Variants in FBH1 observed in about 807,000 individuals in gnomAD.
The protein encoded by FBH1 is DNA 3'-5' helicase 1.
Under a neutral mutation model 115.5 loss-of-function variants are expected in FBH1, and 43 were observed. The ratio of observed to expected loss-of-function variants is 0.37; its 90% CI spans 0.29 to 0.48. FBH1 has a LOEUF of 0.48. FBH1 is among the 20% of genes least tolerant of loss of function. FBH1 has a pLI of 0.99. For missense variants in FBH1, 1,001 were observed against 1,337.3 expected (o/e 0.75, Z 3.92); for synonymous variants, 524 against 507.8 (o/e 1.03, Z -0.43).
Position 5,911,576 on chromosome 10 carries a change from T to A in FBH1, c.1211+448T>A, listed in dbSNP as rs1396706667. Reference sequence around the variant, plus strand: ...GCTGATTCACAGGGGCCCCGATGGTTTCCTCAGCAGGGTGGGGAGTGCCTG... The same window carrying A: ...GCTGATTCACAGGGGCCCCGATGGTATCCTCAGCAGGGTGGGGAGTGCCTG... On this transcript the variant is annotated intron_variant, in intron 6 of 20. Coordinates refer to ENST00000362091, the MANE Select transcript of FBH1 (RefSeq NM_178150.3). The surrounding 1 kb of genome is among the most constrained non-coding windows in gnomAD (Gnocchi z 5.4). Among the ~76,000 whole-genome samples the A allele has an allele frequency of 6.6e-6, 1 of 152,076 alleles. No homozygotes were observed. Among genetic ancestry groups the A allele is most frequent in the Non-Finnish European group, 1.5e-5 (1 of 67,992 alleles).
In FBH1 at chr10:5,936,817, G is replaced by T; in HGVS notation, c.2961+230G>T. The stretch of plus-strand genomic sequence containing the variant: ...CCGCAGGTCTGGGAGGCTGGGTTGT[G>T]ATACACGCTTAGAGAGAGAGCTGTT... On this transcript the variant is annotated intron_variant, in intron 20 of 20. Transcript: ENST00000362091. The surrounding 1 kb of genome is among the most constrained non-coding windows in gnomAD (Gnocchi z 5.6). The T allele has an allele frequency of 1.6e-6, 1 of 624,124 alleles. No homozygotes were observed. 38.7% of individuals were successfully genotyped at this position (624,124 alleles called of 1,614,324 possible). A position where few individuals can be genotyped will look rare whatever the true frequency, so the allele number is the denominator to read the frequency against.
upstream of FBH1, chr10:5,889,957 G>T (rs984467418): frequency 7.0e-5 from 13 of 186,646 alleles, no homozygotes; most frequent in African/African-American, 3.1e-4. Flanking sequence ...CTCGACCGCC[G>T]CTGCTCCGCG....
In FBH1 at chr10:5,937,324, G is replaced by T. The variant is rs1484841429; in HGVS notation, c.*44G>T. ...CCGCAGTGCAGAGCAGCTTGCCGAG[G>T]ACCCCGCGTGAAGAAAGCCAGCGAG... On this transcript the variant is annotated 3_prime_UTR_variant, in exon 21 of 21. Transcript: ENST00000362091. The T allele has an allele frequency of 2.8e-6, 4 of 1,445,790 alleles. No individual in the cohort carries two copies. The highest frequency in any genetic ancestry group is 2.5e-5 in the Admixed American group (1 of 39,258). 89.6% of individuals were successfully genotyped at this position (1,445,790 alleles called of 1,614,324 possible). A position where few individuals can be genotyped will look rare whatever the true frequency, so the allele number is the denominator to read the frequency against.
intron 19 of FBH1, among the ~76,000 whole-genome samples, chr10:5,927,907 A>G (rs1406639650): frequency 1.3e-5 from 2 of 151,776 alleles, no homozygotes; most frequent in African/African-American, 4.8e-5. Flanking sequence ...ACCCATCTCT[A>G]CTAAAAATAC....
Position 5,936,408 on chromosome 10 carries a change from C to G in FBH1, c.2830-48C>G, listed in dbSNP as rs761179247. On this transcript the variant is annotated intron_variant, in intron 19 of 20. Coordinates refer to ENST00000362091, the MANE Select transcript of FBH1 (RefSeq NM_178150.3). This position sits in a 1 kb window ranked among gnomAD's most constrained non-coding sequence, Gnocchi z 5.6. ...CCGCTATCAGTGTTTCCAGTAGACC[C>G]TAACGGAGGTGTCGCCATGACTCTC... 6.2e-6 allele frequency: 10 copies of G among 1,602,474 alleles called. No homozygotes were observed. In the Admixed American group the frequency reaches 1.7e-4, roughly 27 times the overall value.
rs76150027 is a variant in FBH1 at position 5,922,825 on chromosome 10, G to A, written c.2323-796G>A. On this transcript the variant is annotated intron_variant, in intron 15 of 20. Transcript: ENST00000362091. ...TCTGAGCTAAACAGGGCACAGTCAG[G>A]CTGTCTCCTCCAGGAGCTGACCTGT... 2.6e-5 allele frequency among the ~76,000 whole-genome samples: 4 copies of A among 152,318 alleles called. No homozygotes were observed. In the South Asian group the frequency reaches 8.3e-4, roughly 32 times the overall value.
Position 5,918,603 on chromosome 10 carries a change from C to G in FBH1, c.2100+125C>G. 1 of 1,270,970 alleles carries G rather than the reference C, an allele frequency of 7.9e-7. No individual in the cohort carries two copies. Among genetic ancestry groups the G allele is most frequent in the Non-Finnish European group, 1.0e-6 (1 of 961,460 alleles). 78.7% of individuals were successfully genotyped at this position (1,270,970 alleles called of 1,614,324 possible). A position where few individuals can be genotyped will look rare whatever the true frequency, so the allele number is the denominator to read the frequency against. Reference sequence around the variant, plus strand: ...AAATCCTTGCTTCTAAGCCATGGTTCTCAAAGTGTGGTTCTCAGGGGTCTG... The same window carrying G: ...AAATCCTTGCTTCTAAGCCATGGTTGTCAAAGTGTGGTTCTCAGGGGTCTG... On this transcript the variant is annotated intron_variant, in intron 13 of 20. Transcript: ENST00000362091. This position sits in a 1 kb window ranked among gnomAD's most constrained non-coding sequence, Gnocchi z 4.0.
chr10:5,900,365 A>G lies in FBH1; in HGVS notation c.2-2655A>G, dbSNP rs1193954275. Among the ~76,000 whole-genome samples the G allele has an allele frequency of 6.6e-6, 1 of 152,248 alleles. No homozygotes were observed. The highest frequency in any genetic ancestry group is 2.4e-5 in the African/African-American group (1 of 41,468). On this transcript the variant is annotated intron_variant, in intron 1 of 20. Transcript: ENST00000362091. The surrounding 1 kb of genome is among the most constrained non-coding windows in gnomAD (Gnocchi z 4.2). ...AGGGTGGTATGGCCGTAGACCTATCAGACTTAGAGACCTGAGGTGCCCTGA... is the reference window on the plus strand; with the variant it reads ...AGGGTGGTATGGCCGTAGACCTATCGGACTTAGAGACCTGAGGTGCCCTGA...
In FBH1 at chr10:5,937,416, C is replaced by A; in HGVS notation, c.*136C>A. On this transcript the variant is annotated 3_prime_UTR_variant, in exon 21 of 21. Transcript: ENST00000362091. Reference sequence around the variant, plus strand: ...CTTTCTGAGGAAGAGGACACCAGCCCAAGCTGGACCTGCCATTTCTCCACT... The same window carrying A: ...CTTTCTGAGGAAGAGGACACCAGCCAAAGCTGGACCTGCCATTTCTCCACT... 1.1e-6 allele frequency: 1 copy of A among 916,694 alleles called. No homozygotes were observed. The highest frequency in any genetic ancestry group is 1.5e-6 in the Non-Finnish European group (1 of 665,894). The allele number at this position is 916,694 out of a possible 1,614,324, so 56.8% of individuals were successfully genotyped here.
At position 5,923,848 on chromosome 10, in the gene FBH1, G is replaced by T. The variant is rs1376360020; in HGVS notation, c.2398+152G>T. The T allele has an allele frequency of 9.0e-6, 6 of 669,416 alleles. No individual in the cohort carries two copies. The East Asian group carries it at 1.7e-4, about 18-fold the overall frequency. 41.5% of individuals were successfully genotyped at this position (669,416 alleles called of 1,614,324 possible). A position where few individuals can be genotyped will look rare whatever the true frequency, so the allele number is the denominator to read the frequency against. Reference sequence around the variant, plus strand: ...CTTCCCATGACGAGGGGGGTGCCTCGGGCCTCCTGTTTTCATAGGTACTGA... The same window carrying T: ...CTTCCCATGACGAGGGGGGTGCCTCTGGCCTCCTGTTTTCATAGGTACTGA... On this transcript the variant is annotated intron_variant, in intron 16 of 20. Coordinates refer to ENST00000362091, the MANE Select transcript of FBH1 (RefSeq NM_178150.3). The surrounding 1 kb of genome is among the most constrained non-coding windows in gnomAD (Gnocchi z 5.7).
At chr10:5,889,726 A>C, upstream of FBH1, 1 of 162,690 alleles carries the variant, frequency 6.1e-6, no homozygotes. Context: ...CCCGTACGTG[A>C]TTCGGGACTG....
rs1323964445 is a variant in FBH1, at chr10:5,932,146, CAAAAG to C, written c.2830-4303_2830-4299del. Reference sequence around the variant, plus strand: ...TGGGTGACAGAGTGAGACCCTGTCTCAAAAGAAAAGATCAAAACTTTGTGATAAGA... The same window carrying C: ...TGGGTGACAGAGTGAGACCCTGTCTCAAAAGATCAAAACTTTGTGATAAGA... On this transcript the variant is annotated intron_variant, in intron 19 of 20. Transcript: ENST00000362091. The surrounding 1 kb of genome is among the most constrained non-coding windows in gnomAD (Gnocchi z 5.9). 6.6e-6 allele frequency among the ~76,000 whole-genome samples: 1 copy of C among 152,146 alleles called. No individual in the cohort carries two copies. The highest frequency in any genetic ancestry group is 2.4e-5 in the African/African-American group (1 of 41,422).
intron 1 of FBH1, among the ~76,000 whole-genome samples, chr10:5,899,171 G>A (rs1324773430): frequency 1.3e-5 from 2 of 152,174 alleles, no homozygotes; most frequent in African/African-American, 2.4e-5. Context: ...CACTGGTTAT[G>A]TGCCTTTTCG....
intron 19 of FBH1, 103 bp downstream of exon 19, chr10:5,927,644 C>G: frequency 1.2e-6 from 1 of 839,896 alleles, no homozygotes; most frequent in Non-Finnish European, 1.9e-6. Flanking sequence ...GATCAAGATC[C>G]TGGGTTGGAA....
At chr10:5,907,253 C>A (rs1284814944) in intron 3 of FBH1, among the ~76,000 whole-genome samples, 1 of 152,150 alleles carries the variant, frequency 6.6e-6, no homozygotes, top group Non-Finnish European at 1.5e-5. Context: ...GCGTGAGCCA[C>A]CATGTCTGGC....
rs543972657 is a variant in FBH1, at chr10:5,906,508, G to A, written c.629G>A (p.Ser210Asn). ...LGTLPCQEAL[S>N]HICSLPSEVL... ...ACCTTGCCCTGCCAGGAAGCACTGA[G>A]CCACATTTGCAGCCTGCCTAGTGAG... The change falls in exon 3 of 21, where the codon AGC (serine) becomes AAC (asparagine). Residue 210 changes from serine (S) to asparagine (N), a missense_variant. Transcript: ENST00000362091. The surrounding 1 kb of genome is among the most constrained non-coding windows in gnomAD (Gnocchi z 7.3). The A allele has an allele frequency of 1.2e-6, 2 of 1,614,130 alleles. No individual in the cohort carries two copies. The highest frequency in any genetic ancestry group is 1.3e-5 in the African/African-American group (1 of 75,032).
At position 5,913,855 on chromosome 10, in the gene FBH1, C is replaced by T. The variant is rs143392776; in HGVS notation, c.1304+16C>T. 8.1e-4 allele frequency: 1,275 copies of T among 1,566,834 alleles called. 13 individuals are homozygous for T. The African/African-American group carries it at 0.015, about 18-fold the overall frequency. Reference sequence around the variant, plus strand: ...TCTGGCCAGGGTATGTGTATATGTGCGTCAGCGTGTGTTTTGTCTTCTGTC... The same window carrying T: ...TCTGGCCAGGGTATGTGTATATGTGTGTCAGCGTGTGTTTTGTCTTCTGTC... On this transcript the variant is annotated intron_variant, in intron 7 of 20. Coordinates refer to ENST00000362091, the MANE Select transcript of FBH1 (RefSeq NM_178150.3). The surrounding 1 kb of genome is among the most constrained non-coding windows in gnomAD (Gnocchi z 4.4).
At position 5,924,845 on chromosome 10, in the gene FBH1, C is replaced by T. The variant is rs1020863472; in HGVS notation, c.2596+337C>T. Reference sequence around the variant, plus strand: ...CCTCCCAAAGTGCTAGAATTACAGGCGTGAGCCACTGCGCCCAGCCTCTTC... The same window carrying T: ...CCTCCCAAAGTGCTAGAATTACAGGTGTGAGCCACTGCGCCCAGCCTCTTC... On this transcript the variant is annotated intron_variant, in intron 17 of 20. Coordinates refer to ENST00000362091, the MANE Select transcript of FBH1 (RefSeq NM_178150.3). This position sits in a 1 kb window ranked among gnomAD's most constrained non-coding sequence, Gnocchi z 6.2. The T allele has an allele frequency of 1.9e-5, 8 of 429,486 alleles. No individual in the cohort carries two copies. The highest frequency in any genetic ancestry group is 6.0e-5 in the African/African-American group (3 of 49,622). The allele number at this position is 429,486 out of a possible 1,614,324, so 26.6% of individuals were successfully genotyped here. A position where few individuals can be genotyped will look rare whatever the true frequency, so the allele number is the denominator to read the frequency against.
chr10:5,914,160 C>G lies in FBH1; in HGVS notation c.1305-18C>G, dbSNP rs371425520. ...ACGTCTTTCTGTTTTTCTTACTTCT[C>G]TTTTGTAATGATTATAGCAAGAAAA... On this transcript the variant is annotated intron_variant, in intron 7 of 20. Coordinates refer to ENST00000362091, the MANE Select transcript of FBH1 (RefSeq NM_178150.3). The surrounding 1 kb of genome is among the most constrained non-coding windows in gnomAD (Gnocchi z 5.2). 1 of 1,611,120 alleles carries G rather than the reference C, an allele frequency of 6.2e-7. No individual in the cohort carries two copies. Among genetic ancestry groups the G allele is most frequent in the South Asian group, 1.1e-5 (1 of 91,010 alleles).
Sources: gnomAD v4.1 joint callset for allele counts (sites outside exome capture counted in the v4.1 genomes callset) on GRCh38, gnomAD v4.1.1 for gene constraint, Gnocchi (gnomAD v3.1) non-coding constraint, MANE v1.5 for transcripts, NCBI Gene and HGNC (gene_info 2026-07-23, HGNC 2026-07-21) for gene names.